GABRG3: variants seen among roughly 807,000 people sequenced by gnomAD.
GABRG3 encodes gamma-aminobutyric acid type A receptor subunit gamma3.
In GABRG3, 25 loss-of-function variants were observed where a neutral mutation model predicts 48.8. The ratio of observed to expected loss-of-function variants is 0.51; its 90% CI spans 0.37 to 0.72. The LOEUF (loss-of-function observed/expected upper bound fraction) is 0.72. Ranked by LOEUF, GABRG3 falls within the 30% of genes least tolerant of loss-of-function variation. The pLI, the probability that GABRG3 is intolerant of heterozygous loss-of-function variation, is 0.00. For synonymous variants in GABRG3, 227 were observed against 217.6 expected (o/e 1.04, Z -0.38); for missense variants, 394 against 577.9 (o/e 0.68, Z 3.26).
intron 5 of GABRG3, among the ~76,000 whole-genome samples, chr15:27,338,606 C>G (rs1324269620): frequency 6.6e-6 from 1 of 152,168 alleles, no homozygotes; most frequent in Non-Finnish European, 1.5e-5. Flanking sequence ...GAGGACCATG[C>G]TCCTAGTTAG....
rs1371685261 is a variant in GABRG3 at position 27,489,915 on chromosome 15, CT to C, written c.712+9132del. On this transcript the variant is annotated intron_variant, in intron 6 of 9. Coordinates refer to ENST00000615808, the MANE Select transcript of GABRG3 (RefSeq NM_033223.5). ...TCAATTTTGGCTTTTGTTGCCATTGCTTTTGGTGTTTTAGTCATGAAGTCTT... is the reference window on the plus strand; with the variant it reads ...TCAATTTTGGCTTTTGTTGCCATTGCTTTGGTGTTTTAGTCATGAAGTCTT... Among the ~76,000 whole-genome samples the C allele has an allele frequency of 1.1e-4, 16 of 152,264 alleles. No individual in the cohort carries two copies. In the South Asian group the frequency reaches 3.3e-3, roughly 32 times the overall value.
At chr15:27,284,894 T>G (rs1419001953) in intron 3 of GABRG3, among the ~76,000 whole-genome samples, 1 of 152,224 alleles carries the variant, frequency 6.6e-6, no homozygotes, top group African/African-American at 2.4e-5. Flanking sequence ...ATATTTTCTT[T>G]CCTCTTTTGG....
intron 3 of GABRG3, among the ~76,000 whole-genome samples, chr15:27,248,498 G>A (rs183436880): frequency 6.6e-5 from 10 of 152,254 alleles, no homozygotes; most frequent in African/African-American, 2.2e-4. Context: ...GTATAAAAAG[G>A]CCAGGCAAAG....
intron 5 of GABRG3, among the ~76,000 whole-genome samples, chr15:27,432,431 G>GA (rs1043757122): frequency 2.0e-5 from 3 of 152,030 alleles, no homozygotes; most frequent in Admixed American, 2.0e-4. Flanking sequence ...GCCCCTCAGA[G>GA]AGCCTTTGGT....
chr15:27,513,321 G>A (rs2150859230), intron 6 of GABRG3, among the ~76,000 whole-genome samples: 1 of 152,002 alleles, frequency 6.6e-6, no homozygotes, highest in South Asian at 2.1e-4. Flanking sequence ...GTGGTGGTGG[G>A]CGCCTGTAGT....
chr15:27,341,167 C>G (rs905649913), intron 5 of GABRG3, among the ~76,000 whole-genome samples: 2 of 152,026 alleles, frequency 1.3e-5, no homozygotes, highest in East Asian at 1.9e-4. Context: ...ATTAATTTTA[C>G]TAGTGCGATG....
intron 3 of GABRG3, among the ~76,000 whole-genome samples, chr15:27,079,485 G>A (rs576410012): frequency 3.3e-5 from 5 of 152,146 alleles, no homozygotes; most frequent in African/African-American, 4.8e-5. Flanking sequence ...AGAAGATGCC[G>A]TGTGGAGTGT....
chr15:27,258,908 A>G (rs956055916), intron 3 of GABRG3, among the ~76,000 whole-genome samples: 11 of 151,810 alleles, frequency 7.2e-5, no homozygotes, highest in Non-Finnish European at 1.5e-4. Context: ...GCCTCCTCCA[A>G]CACGCCTTCC....
In GABRG3 at chr15:27,292,261, G is replaced by A. The variant is rs535296476; in HGVS notation, c.271-34548G>A. On this transcript the variant is annotated intron_variant, in intron 3 of 9. Transcript: ENST00000615808. ...ACATGGACACAGGGAGGGGAACATCGCACACCAGGGCCTGTCGGGGGGTGG... is the reference window on the plus strand; with the variant it reads ...ACATGGACACAGGGAGGGGAACATCACACACCAGGGCCTGTCGGGGGGTGG... Among the ~76,000 whole-genome samples the A allele has an allele frequency of 1.4e-4, 20 of 139,866 alleles. No individual in the cohort carries two copies. In the East Asian group the frequency reaches 3.0e-3, roughly 21 times the overall value. The allele number at this position is 139,866 out of a possible 152,430, so 91.8% of individuals were successfully genotyped here.
chr15:27,308,540 A>G (rs1490097838), intron 3 of GABRG3, among the ~76,000 whole-genome samples: 1 of 139,626 alleles, frequency 7.2e-6, no homozygotes, highest in Non-Finnish European at 1.5e-5. Flanking sequence ...ATATAAACAT[A>G]TATAATGTAA....
Position 27,122,916 on chromosome 15 carries a change from C to T in GABRG3, c.270+96095C>T, listed in dbSNP as rs60349169. ...GCTGTGTTTAGCATGGAAAGCAAGC[C>T]GGGAAATTGTTTCAGGAAGGTTAGG... is the stretch of plus-strand genomic sequence containing the variant. On this transcript the variant is annotated intron_variant, in intron 3 of 9. Transcript: ENST00000615808. 2.5e-3 allele frequency among the ~76,000 whole-genome samples: 378 copies of T among 152,270 alleles called. 2 individuals carry two copies. Among genetic ancestry groups the T allele is most frequent in the African/African-American group, 8.5e-3 (354 of 41,556 alleles).
intron 3 of GABRG3, among the ~76,000 whole-genome samples, chr15:27,311,895 GT>G (rs1315633289): frequency 1.3e-5 from 2 of 152,098 alleles, no homozygotes; most frequent in African/African-American, 4.8e-5. Context: ...AGAGGTCGCT[GT>G]TTTATCTAAT....
intron 3 of GABRG3, among the ~76,000 whole-genome samples, chr15:27,153,799 G>A (rs1478376981): frequency 6.6e-6 from 1 of 151,988 alleles, no homozygotes; most frequent in African/African-American, 2.4e-5. Flanking sequence ...TACTTATTTA[G>A]AGTCCCTTAT....
At chr15:27,375,421 T>C (rs1895561662) in intron 5 of GABRG3, among the ~76,000 whole-genome samples, 2 of 152,248 alleles carry the variant, frequency 1.3e-5, no homozygotes, top group African/African-American at 2.4e-5. Flanking sequence ...TTTGGGCTAT[T>C]GGTTGATAAG....
chr15:27,108,573 A>G (rs1480022487), intron 3 of GABRG3, among the ~76,000 whole-genome samples: 4 of 152,208 alleles, frequency 2.6e-5, no homozygotes, highest in Non-Finnish European at 5.9e-5. Context: ...GGAGTATTCA[A>G]TAACTGTCAG....
chr15:27,101,023 G>A (rs891718267), intron 3 of GABRG3, among the ~76,000 whole-genome samples: 2 of 152,156 alleles, frequency 1.3e-5, no homozygotes, highest in African/African-American at 2.4e-5. Flanking sequence ...AGTAAAATAA[G>A]TGTCCTGATT....
chr15:27,143,698 T>C (rs28639613), intron 3 of GABRG3, among the ~76,000 whole-genome samples: 5,378 of 152,280 alleles, frequency 0.035, 340 homozygotes, highest in African/African-American at 0.12. Flanking sequence ...AAGGATGTTT[T>C]GGGGTGAGCG....
intron 5 of GABRG3, among the ~76,000 whole-genome samples, chr15:27,406,135 G>A (rs1423761147): frequency 6.6e-6 from 1 of 151,950 alleles, no homozygotes; most frequent in Admixed American, 6.6e-5. Context: ...CAAAAAAATT[G>A]ATAATTAAAT....
chr15:26,994,625 C>T (rs2140650059), intron 2 of GABRG3, among the ~76,000 whole-genome samples: 1 of 151,962 alleles, frequency 6.6e-6, no homozygotes, highest in South Asian at 2.1e-4. Context: ...GAGTGGTTTC[C>T]ACATCACAGT....
Sources: gnomAD v4.1 joint callset for allele counts (sites outside exome capture counted in the v4.1 genomes callset) on GRCh38, gnomAD v4.1.1 for gene constraint, MANE v1.5 for transcripts, NCBI Gene and HGNC (gene_info 2026-07-23, HGNC 2026-07-21) for gene names.